Variants in KCNMA1 observed in about 807,000 individuals in gnomAD.
KCNMA1 encodes the protein Calcium-activated potassium channel subunit alpha-1.
A neutral mutation model predicts 140.0 loss-of-function variants in KCNMA1; 29 were observed. The observed-to-expected ratio is 0.21, with a 90% CI of 0.15 to 0.28. The LOEUF (loss-of-function observed/expected upper bound fraction) is 0.28. KCNMA1 is among the 10% of genes least tolerant of loss of function. The pLI is 1.00. For missense variants in KCNMA1, 880 were observed against 1,602.2 expected (o/e 0.55, Z 7.70); for synonymous variants, 612 against 611.9 (o/e 1.00, Z 0.00).
At chr10:77,427,185 C>T (rs1430998335) in intron 1 of KCNMA1, among the ~76,000 whole-genome samples, 2 of 152,226 alleles carry the variant, frequency 1.3e-5, no homozygotes, top group African/African-American at 4.8e-5. Context: ...CAGATGGTCA[C>T]TTATATATTC....
chr10:76,893,510 T>C (rs1276802409), intron 25 of KCNMA1, among the ~76,000 whole-genome samples: 1 of 151,952 alleles, frequency 6.6e-6, no homozygotes, highest in Non-Finnish European at 1.5e-5. Flanking sequence ...GGGAGGATCA[T>C]TTGAGGTCAG....
At chr10:77,476,944 G>A (rs887425812) in intron 1 of KCNMA1, among the ~76,000 whole-genome samples, 1 of 152,186 alleles carries the variant, frequency 6.6e-6, no homozygotes, top group Admixed American at 6.5e-5. Flanking sequence ...AATAAGACAC[G>A]ACCCTACCCT....
chr10:76,874,447 C>A (rs1038040386), downstream of KCNMA1: 8 of 152,206 alleles, frequency 5.3e-5, no homozygotes, highest in African/African-American at 1.9e-4. Flanking sequence ...GAATCACTCT[C>A]ATTTACAAAT....
chr10:77,235,885 G>A (rs1358623631), intron 3 of KCNMA1, among the ~76,000 whole-genome samples: 1 of 152,206 alleles, frequency 6.6e-6, no homozygotes. Context: ...GAGCTTCTGG[G>A]AGGCAATGTC....
chr10:77,266,752 T>G (rs2063559717), intron 2 of KCNMA1, among the ~76,000 whole-genome samples: 1 of 152,212 alleles, frequency 6.6e-6, no homozygotes, highest in African/African-American at 2.4e-5. Context: ...ATTGTAGTCA[T>G]GAGTTTTCTT....
chr10:77,127,078 AC>A (rs2097758692), intron 5 of KCNMA1, among the ~76,000 whole-genome samples: 14 of 2,810 alleles, frequency 5.0e-3, no homozygotes, highest in Middle Eastern at 0.12. Flanking sequence ...ACAAACACAC[AC>A]ACACACACAC....
intron 18 of KCNMA1, among the ~76,000 whole-genome samples, chr10:77,004,239 A>ACACT (rs1555092441): frequency 6.6e-6 from 1 of 151,952 alleles, no homozygotes; most frequent in Admixed American, 6.6e-5. Context: ...ACACACACAC[A>ACACT]CACACACACA....
intron 1 of KCNMA1, among the ~76,000 whole-genome samples, chr10:77,590,762 C>T (rs1341752292): frequency 1.8e-4 from 28 of 152,324 alleles, no homozygotes; most frequent in Non-Finnish European, 7.4e-5. Context: ...ACTACCACCG[C>T]CAGATGCTAA....
intron 2 of KCNMA1, among the ~76,000 whole-genome samples, chr10:77,392,556 T>A (rs2095872427): frequency 6.6e-6 from 1 of 152,230 alleles, no homozygotes; most frequent in Non-Finnish European, 1.5e-5. Context: ...ACACTTTGGA[T>A]GACTGCACTT....
At chr10:76,902,051 C>T (rs2045698050) in intron 25 of KCNMA1, 1 of 152,154 alleles carries the variant, frequency 6.6e-6, no homozygotes, top group South Asian at 2.1e-4. Context: ...TGCAAATTTC[C>T]TTATGTGATG....
At chr10:77,022,426 T>C (rs1035781340) in intron 16 of KCNMA1, among the ~76,000 whole-genome samples, 1 of 152,216 alleles carries the variant, frequency 6.6e-6, no homozygotes, top group African/African-American at 2.4e-5. Flanking sequence ...ACCTTACTGG[T>C]TTCAACAGAA....
Position 77,555,773 on chromosome 10 carries a change from T to A in KCNMA1, c.378+81492A>T, listed in dbSNP as rs182374206. On this transcript the variant is annotated intron_variant, in intron 1 of 27. Transcript: ENST00000286628. ...AAGGGAACAGTACAGAGACCCAAAC[T>A]TAGCTCCTCCATGCCTCTAGCACAC... Among the ~76,000 whole-genome samples, 896 of 152,236 alleles carry A rather than the reference T, an allele frequency of 5.9e-3. 11 individuals are homozygous for A. Among genetic ancestry groups the A allele is most frequent in the Non-Finnish European group, 4.8e-3 (327 of 68,018 alleles).
intron 1 of KCNMA1, among the ~76,000 whole-genome samples, chr10:77,576,267 G>A (rs2074049905): frequency 6.6e-6 from 1 of 152,174 alleles, no homozygotes; most frequent in African/African-American, 2.4e-5. Context: ...CCCTAACAGA[G>A]ATCTGCCTCC....
intron 2 of KCNMA1, among the ~76,000 whole-genome samples, chr10:77,360,877 C>A (rs376934849): frequency 1.3e-5 from 2 of 152,160 alleles, no homozygotes; most frequent in African/African-American, 2.4e-5. Context: ...GGCACTAGCA[C>A]GGAGGCCTGA....
intron 1 of KCNMA1, among the ~76,000 whole-genome samples, chr10:77,477,939 T>G (rs1467024529): frequency 6.6e-6 from 1 of 152,200 alleles, no homozygotes; most frequent in Non-Finnish European, 1.5e-5. Context: ...CCTCACAAAT[T>G]TGGGTGTCAT....
exon 30 of KCNMA1, chr10:76,877,865 C>T (rs771893366): frequency 2.5e-6 from 4 of 1,610,344 alleles, no homozygotes; most frequent in African/African-American, 2.7e-5. Context: ...AGGCATTATC[C>T]GGTTCATCTG....
chr10:77,255,355 T>G (rs758745385), intron 2 of KCNMA1, among the ~76,000 whole-genome samples: 1 of 152,188 alleles, frequency 6.6e-6, no homozygotes, highest in Non-Finnish European at 1.5e-5. Flanking sequence ...ATCCCAGCAC[T>G]TTGGGAGGCC....
chr10:77,216,092 TATTACAAAA>T (rs904990985), intron 3 of KCNMA1, among the ~76,000 whole-genome samples: 1 of 152,160 alleles, frequency 6.6e-6, no homozygotes, highest in African/African-American at 2.4e-5. Flanking sequence ...AAAAGCCACA[TATTACAAAA>T]TTCAATTTAT....
chr10:76,951,677 C>A (rs116465677), intron 21 of KCNMA1, among the ~76,000 whole-genome samples: 1 of 152,178 alleles, frequency 6.6e-6, no homozygotes, highest in Non-Finnish European at 1.5e-5. Flanking sequence ...TATCTCTAGC[C>A]GTGTTACTTT....
Sources: allele counts gnomAD v4.1 joint callset (sites outside exome capture counted in the v4.1 genomes callset), GRCh38; gene constraint gnomAD v4.1.1; transcripts MANE v1.5; gene names NCBI Gene and HGNC (gene_info 2026-07-23, HGNC 2026-07-21).